HYDIN: variants seen among roughly 807,000 people sequenced by gnomAD.
HYDIN encodes HYDIN axonemal central pair apparatus protein.
A neutral mutation model predicts 403.9 loss-of-function variants in HYDIN; 132 were observed. The observed-to-expected ratio is 0.33, with a 90% CI of 0.28 to 0.38. HYDIN has a LOEUF of 0.38. HYDIN is among the 10% of genes least tolerant of loss of function. HYDIN has a pLI of 1.00. For missense variants in HYDIN, 2,827 were observed against 5,009.5 expected (o/e 0.56, Z 13.15); for synonymous variants, 1,202 against 1,891.7 (o/e 0.64, Z 9.46).
intron 1 of HYDIN, among the ~76,000 whole-genome samples, chr16:71,214,673 C>A (rs2088780919): frequency 6.6e-6 from 1 of 152,304 alleles, no homozygotes; most frequent in African/African-American, 2.4e-5. Context: ...GGGAGACAGA[C>A]AGAAATTAGT....
At chr16:71,138,311 T>G (rs1258347098) in intron 7 of HYDIN, among the ~76,000 whole-genome samples, 1 of 85,586 alleles carries the variant, frequency 1.2e-5, no homozygotes, top group Non-Finnish European at 2.0e-5. Flanking sequence ...CATTCACTGT[T>G]GTATGAACCA....
At chr16:71,041,482 A>G (rs887601264) in intron 18 of HYDIN, among the ~76,000 whole-genome samples, 5 of 152,224 alleles carry the variant, frequency 3.3e-5, no homozygotes, top group Non-Finnish European at 7.3e-5. Context: ...GTAGGGGATT[A>G]GTTAAATCAA....
intron 1 of HYDIN, among the ~76,000 whole-genome samples, chr16:71,213,124 A>G (rs747051792): frequency 2.4e-4 from 36 of 152,272 alleles, no homozygotes; most frequent in South Asian, 8.3e-4. Flanking sequence ...AAGACAATTT[A>G]AGACAAACAA....
chr16:71,062,485 G>A (rs899264515), intron 16 of HYDIN, 152 bp from the exon 17 acceptor site: 117 of 576,830 alleles, frequency 2.0e-4, no homozygotes, highest in Non-Finnish European at 3.1e-4. Context: ...CCCCAATTCG[G>A]CCAAAAGGAA....
Position 70,808,065 on chromosome 16 carries a change from G to GA in HYDIN, c.14884-4dup, listed in dbSNP as rs1267124382. The GA allele has an allele frequency of 5.0e-6, 8 of 1,596,878 alleles. No individual in the cohort carries two copies. The highest frequency in any genetic ancestry group is 6.8e-6 in the Non-Finnish European group (8 of 1,169,796). On this transcript the variant is annotated splice_polypyrimidine_tract_variant and splice_region_variant and intron_variant, in intron 85 of 85. Coordinates refer to ENST00000393567, the MANE Select transcript of HYDIN (RefSeq NM_001270974.2). ...GCGTGGAAGTCTGTACAGTCGGTCT[G>GA]AAAGGGGAACAAACAAACTCAGCTC... is the stretch of plus-strand genomic sequence containing the variant.
chr16:71,227,116 T>C (rs1483229433), intron 1 of HYDIN, among the ~76,000 whole-genome samples: 2 of 151,802 alleles, frequency 1.3e-5, no homozygotes, highest in Non-Finnish European at 2.9e-5. Context: ...TATCTGACTT[T>C]TGTCATATAT....
chr16:70,986,999 AC>A (rs2079210844), intron 27 of HYDIN, among the ~76,000 whole-genome samples: 1 of 107,690 alleles, frequency 9.3e-6, no homozygotes, highest in South Asian at 4.2e-4. Context: ...GGATAGCCTC[AC>A]CCAGGTGAGG....
intron 42 of HYDIN, among the ~76,000 whole-genome samples, chr16:70,942,631 G>A (rs1444583695): frequency 1.7e-4 from 26 of 152,138 alleles, no homozygotes; most frequent in Non-Finnish European, 3.2e-4. Flanking sequence ...GTGAATGAGC[G>A]TTAGGTTTTT....
intron 7 of HYDIN, among the ~76,000 whole-genome samples, chr16:71,145,449 T>A (rs2085331384): frequency 6.6e-6 from 1 of 152,142 alleles, no homozygotes; most frequent in Non-Finnish European, 1.5e-5. Context: ...GAGATGGGGT[T>A]TCACCATATT....
At chr16:71,193,991 C>A (rs2087566885) in intron 1 of HYDIN, among the ~76,000 whole-genome samples, 1 of 152,178 alleles carries the variant, frequency 6.6e-6, no homozygotes, top group Admixed American at 6.5e-5. Flanking sequence ...GTAAACAAAT[C>A]TCAAAGAACT....
At chr16:71,226,122 A>G (rs992194790) in intron 1 of HYDIN, among the ~76,000 whole-genome samples, 12 of 152,344 alleles carry the variant, frequency 7.9e-5, no homozygotes, top group African/African-American at 2.9e-4. Context: ...GAAAAATAAG[A>G]ACAAAGTAGA....
intron 23 of HYDIN, among the ~76,000 whole-genome samples, chr16:71,011,112 C>T (rs902451341): frequency 3.3e-5 from 5 of 152,110 alleles, no homozygotes; most frequent in Admixed American, 6.5e-5. Context: ...CCGTAGGAGC[C>T]CTTATAGGAT....
chr16:70,946,630 T>C (rs1178549606), intron 41 of HYDIN, among the ~76,000 whole-genome samples: 1 of 152,050 alleles, frequency 6.6e-6, no homozygotes, highest in African/African-American at 2.4e-5. Flanking sequence ...ACGAGGTGGG[T>C]GCTAGGTAGT....
In HYDIN at chr16:70,971,833, T is replaced by C. The variant is rs201989417; in HGVS notation, c.5380-1074A>G. Among the ~76,000 whole-genome samples, 200 of 151,668 alleles carry C rather than the reference T, an allele frequency of 1.3e-3. 1 individual carries two copies. The East Asian group carries it at 0.031, about 24-fold the overall frequency. ...TTCTAAAACATTTCATTCATTTTCTTGAACATGTTATCATGCCTAAGAATT... is the reference window on the plus strand; with the variant it reads ...TTCTAAAACATTTCATTCATTTTCTCGAACATGTTATCATGCCTAAGAATT... On this transcript the variant is annotated intron_variant, in intron 35 of 85. Transcript: ENST00000393567.
intron 7 of HYDIN, among the ~76,000 whole-genome samples, chr16:71,139,039 G>A (rs569830810): frequency 8.1e-5 from 12 of 147,740 alleles, no homozygotes; most frequent in African/African-American, 2.3e-4. Flanking sequence ...AGCCAAGATC[G>A]TCCCATTGCA....
At chr16:71,071,441 C>G (rs2082466003) in intron 13 of HYDIN, among the ~76,000 whole-genome samples, 1 of 151,848 alleles carries the variant, frequency 6.6e-6, no homozygotes, top group East Asian at 1.9e-4. Flanking sequence ...AATGCAAGTA[C>G]TTTACAGTTG....
chr16:70,851,721 C>CA (rs1242767573), intron 73 of HYDIN, among the ~76,000 whole-genome samples: 1 of 144,266 alleles, frequency 6.9e-6, no homozygotes. Flanking sequence ...AATCTCTTTA[C>CA]AAAAAACAAA....
At chr16:71,012,650 C>T (rs1383109731) in intron 23 of HYDIN, among the ~76,000 whole-genome samples, 1 of 152,174 alleles carries the variant, frequency 6.6e-6, no homozygotes, top group Non-Finnish European at 1.5e-5. Context: ...GACCTCAGAC[C>T]TATCTAATAA....
intron 53 of HYDIN, among the ~76,000 whole-genome samples, chr16:70,900,721 A>G (rs901728041): frequency 7.1e-6 from 1 of 141,604 alleles, no homozygotes; most frequent in African/African-American, 2.8e-5. Flanking sequence ...TCATTTGTTC[A>G]TTCATTCATT....
Sources: allele counts gnomAD v4.1 joint callset (sites outside exome capture counted in the v4.1 genomes callset), GRCh38; gene constraint gnomAD v4.1.1; transcripts MANE v1.5; gene names NCBI Gene and HGNC (gene_info 2026-07-23, HGNC 2026-07-21).